The following MCTP2 variants were observed in gnomAD, a reference collection of about 807,000 sequenced individuals.
MCTP2 encodes multiple C2 and transmembrane domain containing 2.
A neutral mutation model predicts 111.6 loss-of-function variants in MCTP2; 132 were observed. The observed-to-expected ratio is 1.18, with a 90% CI of 1.03 to 1.37. The LOEUF (loss-of-function observed/expected upper bound fraction) is 1.37, where lower values mean the gene tolerates loss of function less well. Ranked by LOEUF, MCTP2 falls within the 40% of genes most tolerant of loss-of-function variation. MCTP2 has a pLI of 0.00. For synonymous variants in MCTP2, 395 were observed against 387.7 expected (o/e 1.02, Z -0.22); for missense variants, 1,183 against 1,067.9 (o/e 1.11, Z -1.50).
chr15:94,240,929 G>A (rs543372311), intron 1 of MCTP2, among the ~76,000 whole-genome samples: 1 of 152,250 alleles, frequency 6.6e-6, no homozygotes, highest in East Asian at 1.9e-4. Context: ...GAAAATTCTT[G>A]TGGTGCTATT....
At chr15:94,344,740 A>G (rs1442795724) in intron 7 of MCTP2, among the ~76,000 whole-genome samples, 6 of 152,226 alleles carry the variant, frequency 3.9e-5, no homozygotes, top group Admixed American at 6.5e-5. Flanking sequence ...AACATCAACT[A>G]TCAGTGGTCA....
At chr15:94,423,970 A>G (rs1196579162) in intron 17 of MCTP2, among the ~76,000 whole-genome samples, 1 of 152,148 alleles carries the variant, frequency 6.6e-6, no homozygotes, top group Non-Finnish European at 1.5e-5. Context: ...TTCTTTCTCT[A>G]CTTCTTTGTA....
At position 94,258,921 on chromosome 15, in the gene MCTP2, C is replaced by A. The variant is rs142242573; in HGVS notation, c.-66+27257C>A. On this transcript the variant is annotated intron_variant, in intron 1 of 22. Coordinates refer to ENST00000357742, the MANE Select transcript of MCTP2 (RefSeq NM_001385001.1). ...GCAGGTACTTTTTGAGCAGACACAC[C>A]CAATATATAAGTTTACATATTTACT... Among the ~76,000 whole-genome samples, 281 of 152,182 alleles carry A rather than the reference C, an allele frequency of 1.8e-3. 1 individual carries two copies. Among genetic ancestry groups the A allele is most frequent in the African/African-American group, 6.4e-3 (266 of 41,520 alleles).
At chr15:94,310,600 G>A (rs1183592678) in intron 2 of MCTP2, among the ~76,000 whole-genome samples, 1 of 151,982 alleles carries the variant, frequency 6.6e-6, no homozygotes, top group African/African-American at 2.4e-5. Flanking sequence ...ACCAGCCTGG[G>A]CTGGTGTGCG....
intron 14 of MCTP2, among the ~76,000 whole-genome samples, chr15:94,395,611 T>G (rs566417111): frequency 1.0e-3 from 157 of 152,350 alleles, no homozygotes; most frequent in African/African-American, 3.6e-3. Flanking sequence ...AGTTTAGTTT[T>G]TTAATATAAT....
intron 1 of MCTP2, among the ~76,000 whole-genome samples, chr15:94,248,750 C>T (rs948433080): frequency 1.3e-5 from 2 of 152,242 alleles, no homozygotes; most frequent in Admixed American, 6.5e-5. Context: ...GAACAATGAG[C>T]CAAAACAGAC....
intron 14 of MCTP2, among the ~76,000 whole-genome samples, chr15:94,397,814 G>A (rs1395993707): frequency 6.6e-6 from 1 of 152,206 alleles, no homozygotes; most frequent in African/African-American, 2.4e-5. Context: ...CATGCTGTTA[G>A]ATTTCCTATG....
At chr15:94,407,781 A>G (rs879562990) in intron 17 of MCTP2, among the ~76,000 whole-genome samples, 9,436 of 71,144 alleles carry the variant, frequency 0.13, 364 homozygotes, top group African/African-American at 0.18. Flanking sequence ...TTGTGCACAC[A>G]CACACACACA....
intron 17 of MCTP2, among the ~76,000 whole-genome samples, chr15:94,411,914 C>T (rs565443667): frequency 1.3e-5 from 2 of 152,236 alleles, no homozygotes; most frequent in South Asian, 4.2e-4. Context: ...TCTATTGCTT[C>T]CCAAGCTCTT....
chr15:94,253,966 G>T (rs1343351598), intron 1 of MCTP2, among the ~76,000 whole-genome samples: 1 of 152,084 alleles, frequency 6.6e-6, no homozygotes, highest in Non-Finnish European at 1.5e-5. Context: ...CACTTTCAAT[G>T]ACTCTAATTT....
At chr15:94,445,827 G>A (rs911338106) in intron 19 of MCTP2, among the ~76,000 whole-genome samples, 4 of 152,234 alleles carry the variant, frequency 2.6e-5, no homozygotes, top group Non-Finnish European at 4.4e-5. Context: ...AACCAGAAGA[G>A]GAGAGAAACT....
At chr15:94,426,954 T>C (rs2082923395) in intron 17 of MCTP2, among the ~76,000 whole-genome samples, 1 of 152,110 alleles carries the variant, frequency 6.6e-6, no homozygotes, top group Non-Finnish European at 1.5e-5. Flanking sequence ...GGCCCTTCTT[T>C]TTAAATTGTC....
intron 2 of MCTP2, among the ~76,000 whole-genome samples, chr15:94,309,049 G>A (rs1368665984): frequency 2.6e-5 from 4 of 152,126 alleles, no homozygotes; most frequent in African/African-American, 9.7e-5. Flanking sequence ...CACCTTGATT[G>A]TATGATCCAT....
intron 17 of MCTP2, among the ~76,000 whole-genome samples, chr15:94,419,925 G>A (rs1048792803): frequency 1.3e-5 from 2 of 152,088 alleles, no homozygotes; most frequent in African/African-American, 4.8e-5. Context: ...GTCTTCTGTT[G>A]GAAGAAGATG....
Position 94,480,682 on chromosome 15 carries a change from C to G in MCTP2, c.*1648C>G, listed in dbSNP as rs948272099. The G allele has an allele frequency of 6.6e-6, 1 of 152,160 alleles. No individual in the cohort carries two copies. The highest frequency in any genetic ancestry group is 2.4e-5 in the African/African-American group (1 of 41,432). 9.4% of individuals were successfully genotyped at this position (152,160 alleles called of 1,614,324 possible). On this transcript the variant is annotated 3_prime_UTR_variant, in exon 23 of 23. Coordinates refer to ENST00000357742, the MANE Select transcript of MCTP2 (RefSeq NM_001385001.1). ...TTTATCATAGTCTGTCATTTTGTAA[C>G]GACCTAAGTCAGACATTTTTAAACA...
intron 1 of MCTP2, among the ~76,000 whole-genome samples, chr15:94,274,501 AAAG>A (rs1250506298): frequency 2.0e-5 from 3 of 152,154 alleles, no homozygotes; most frequent in African/African-American, 7.2e-5. Flanking sequence ...GTTCAGAAAA[AAAG>A]CATATTACCA....
At chr15:94,422,183 G>A (rs1204482733) in intron 17 of MCTP2, among the ~76,000 whole-genome samples, 1 of 152,116 alleles carries the variant, frequency 6.6e-6, no homozygotes, top group Non-Finnish European at 1.5e-5. Context: ...CAGGAAGTCT[G>A]GGAGGAAGCT....
At chr15:94,244,356 A>G (rs1482183680) in intron 1 of MCTP2, among the ~76,000 whole-genome samples, 15 of 149,376 alleles carry the variant, frequency 1.0e-4, no homozygotes, top group Non-Finnish European at 1.8e-4. Flanking sequence ...GTATACACAT[A>G]CATATGTATA....
intron 1 of MCTP2, among the ~76,000 whole-genome samples, chr15:94,283,179 GC>G (rs1416607282): frequency 6.6e-6 from 1 of 152,164 alleles, no homozygotes; most frequent in African/African-American, 2.4e-5. Context: ...AAATGCTTTG[GC>G]TGGGCAGCTG....
Sources: gnomAD v4.1 joint callset for allele counts (sites outside exome capture counted in the v4.1 genomes callset) on GRCh38, gnomAD v4.1.1 for gene constraint, MANE v1.5 for transcripts, NCBI Gene and HGNC (gene_info 2026-07-23, HGNC 2026-07-21) for gene names.